The following KIFC3 variants were observed in gnomAD, a reference collection of about 807,000 sequenced individuals.
KIFC3 encodes kinesin-like protein KIFC3.
A neutral mutation model predicts 101.8 loss-of-function variants in KIFC3; 60 were observed. The observed-to-expected ratio is 0.59, with a 90% CI of 0.48 to 0.73. The LOEUF (loss-of-function observed/expected upper bound fraction) is 0.73, where lower values mean the gene tolerates loss of function less well. KIFC3 is among the 30% of genes least tolerant of loss of function. The pLI is 0.00. For synonymous variants in KIFC3, 476 were observed against 482.7 expected (o/e 0.99, Z 0.18); for missense variants, 966 against 1,137.1 (o/e 0.85, Z 2.16).
chr16:57,850,976 TCCTTCCTTC>T (rs2056043903), intron 1 of KIFC3, among the ~76,000 whole-genome samples: 2 of 27,780 alleles, frequency 7.2e-5, no homozygotes, highest in Non-Finnish European at 1.4e-4. Flanking sequence ...CTTCCTTCCT[TCCTTCCTTC>T]CTTCCTTCCT....
chr16:57,793,604 AC>A (rs2054065910), intron 3 of KIFC3, among the ~76,000 whole-genome samples: 1 of 131,368 alleles, frequency 7.6e-6, no homozygotes, highest in Admixed American at 7.0e-5. Context: ...AAAAAAAAAA[AC>A]AAAAAAAGAG....
chr16:57,827,667 C>T (rs1455687841), intron 1 of KIFC3, among the ~76,000 whole-genome samples: 3 of 152,158 alleles, frequency 2.0e-5, no homozygotes, highest in African/African-American at 7.2e-5. Context: ...TAAGCAACCA[C>T]GAGGCCATGG....
Position 57,758,313 on chromosome 16 carries a change from CAGCGAGCCAGGCAGGTG to C in KIFC3, c.*604_*620del, listed in dbSNP as rs1325550591. 1 of 246,256 alleles carries C rather than the reference CAGCGAGCCAGGCAGGTG, an allele frequency of 4.1e-6. No homozygotes were observed. Among genetic ancestry groups the C allele is most frequent in the African/African-American group, 2.3e-5 (1 of 43,068 alleles). 15.3% of individuals were successfully genotyped at this position (246,256 alleles called of 1,614,324 possible). ...TCAGAGGGAAGAAAATTCGAGAGAC[CAGCGAGCCAGGCAGGTG>C]AGCGAGCAGCAGAATCCCCCACCCG... On this transcript the variant is annotated 3_prime_UTR_variant, in exon 20 of 20. Coordinates refer to ENST00000445690, the MANE Select transcript of KIFC3 (RefSeq NM_001130100.2).
intron 1 of KIFC3, among the ~76,000 whole-genome samples, chr16:57,845,553 G>A (rs140414777): frequency 8.7e-4 from 133 of 152,236 alleles, no homozygotes; most frequent in African/African-American, 2.8e-3. Flanking sequence ...GGGCCTTTGC[G>A]TGGGTTCTTC....
intron 1 of KIFC3, among the ~76,000 whole-genome samples, chr16:57,799,843 A>G (rs2054607244): frequency 6.6e-6 from 1 of 152,192 alleles, no homozygotes; most frequent in Non-Finnish European, 1.5e-5. Context: ...GAGGTTGGTC[A>G]GTGCCCAGTG....
At chr16:57,767,965 TG>T (rs1461152601) in intron 9 of KIFC3, among the ~76,000 whole-genome samples, 1 of 152,122 alleles carries the variant, frequency 6.6e-6, no homozygotes, top group African/African-American at 2.4e-5. Flanking sequence ...TGTGAGCCAC[TG>T]TGCCCAGCCC....
At chr16:57,829,637 A>G (rs760610668) in intron 1 of KIFC3, among the ~76,000 whole-genome samples, 2 of 152,220 alleles carry the variant, frequency 1.3e-5, no homozygotes, top group Middle Eastern at 3.2e-3. Flanking sequence ...GAAAGTCACC[A>G]TGCAGCCCTG....
rs374001495 is a variant in KIFC3, at chr16:57,832,151, G to GC, written c.108+30577dup. Among the ~76,000 whole-genome samples, 284 of 151,876 alleles carry GC rather than the reference G, an allele frequency of 1.9e-3. 1 individual carries two copies. Among genetic ancestry groups the GC allele is most frequent in the African/African-American group, 6.8e-3 (280 of 41,430 alleles). On this transcript the variant is annotated intron_variant, in intron 1 of 2. Transcript: ENST00000563028. Reference sequence around the variant, plus strand: ...TTCTCTTGCCTCAGCCTCCCAAGTAGCTGGGACTACAGGAATGCACCACCA... The same window carrying GC: ...TTCTCTTGCCTCAGCCTCCCAAGTAGCCTGGGACTACAGGAATGCACCACCA...
At chr16:57,844,351 A>C (rs1407420992) in intron 1 of KIFC3, among the ~76,000 whole-genome samples, 5 of 145,862 alleles carry the variant, frequency 3.4e-5, no homozygotes, top group African/African-American at 1.3e-4. Context: ...AATTGCTTGA[A>C]CCCGGGAGGC....
chr16:57,829,139 G>A (rs909177027), intron 1 of KIFC3, among the ~76,000 whole-genome samples: 2 of 152,100 alleles, frequency 1.3e-5, no homozygotes. Context: ...TGAACTTTTA[G>A]GGCAAAGATA....
intron 2 of KIFC3, among the ~76,000 whole-genome samples, chr16:57,795,641 T>C (rs2054228987): frequency 6.6e-6 from 1 of 152,146 alleles, no homozygotes; most frequent in Non-Finnish European, 1.5e-5. Context: ...CTAACGTGCA[T>C]CCCCTTGTGC....
chr16:57,818,239 G>A (rs112829312), intron 1 of KIFC3, among the ~76,000 whole-genome samples: 1 of 151,778 alleles, frequency 6.6e-6, no homozygotes, highest in African/African-American at 2.4e-5. Flanking sequence ...GAGCCACCAT[G>A]CCTGGTCTAT....
rs966805779 is a variant in KIFC3 at position 57,810,640 on chromosome 16, C to T, written c.109-12358G>A. 2.4e-5 allele frequency: 24 copies of T among 985,304 alleles called. No individual in the cohort carries two copies. The South Asian group carries it at 5.2e-4, about 21-fold the overall frequency. The allele number at this position is 985,304 out of a possible 1,614,324, so 61.0% of individuals were successfully genotyped here. A position where few individuals can be genotyped will look rare whatever the true frequency, so the allele number is the denominator to read the frequency against. On this transcript the variant is annotated intron_variant, in intron 1 of 2. Coordinates refer to the KIFC3 transcript ENST00000563028. ...ATCCACCCCAGACAACCAGAATGTG[C>T]AGGGCCCTGAATGCCAGGACGGGAA...
In KIFC3 at chr16:57,802,333, C is replaced by G; in HGVS notation, c.-40+37G>C. The G allele has an allele frequency of 1.0e-6, 1 of 959,466 alleles. No homozygotes were observed. Among genetic ancestry groups the G allele is most frequent in the Non-Finnish European group, 1.2e-6 (1 of 807,012 alleles). The allele number at this position is 959,466 out of a possible 1,614,324, so 59.4% of individuals were successfully genotyped here. On this transcript the variant is annotated intron_variant, in intron 1 of 19. Coordinates refer to ENST00000445690, the MANE Select transcript of KIFC3 (RefSeq NM_001130100.2). The surrounding 1 kb of genome is among the most constrained non-coding windows in gnomAD (Gnocchi z 5.0). ...CGGCGGGCCGGGCAGAGCCCAGCGC[C>G]CCGCTCGCACCCAGCCCGCCCGGGC...
intron 1 of KIFC3, among the ~76,000 whole-genome samples, chr16:57,823,039 A>G (rs781808666): frequency 6.6e-6 from 1 of 152,320 alleles, no homozygotes; most frequent in Non-Finnish European, 1.5e-5. Context: ...TTAGACTATG[A>G]TGGAAGAGGG....
At chr16:57,785,452 CT>C in intron 3 of KIFC3, 1 of 1,280,982 alleles carries the variant, frequency 7.8e-7, no homozygotes. Flanking sequence ...CCATCCCAGC[CT>C]CCCCAGGTAC....
chr16:57,852,294 G>C (rs1006043650), intron 1 of KIFC3, among the ~76,000 whole-genome samples: 1 of 152,004 alleles, frequency 6.6e-6, no homozygotes, highest in Non-Finnish European at 1.5e-5. Context: ...TCATTGGAGG[G>C]TCCTCATTGT....
At chr16:57,761,645 C>T in intron 13 of KIFC3, 109 bp from the exon 14 acceptor site, 3 of 1,287,048 alleles carry the variant, frequency 2.3e-6, no homozygotes, top group Non-Finnish European at 2.2e-6. Flanking sequence ...AAGCCTTCTC[C>T]AGCCATCAGC....
intron 3 of KIFC3, chr16:57,785,566 C>T: frequency 7.8e-7 from 1 of 1,288,374 alleles, no homozygotes; most frequent in Non-Finnish European, 1.0e-6. Flanking sequence ...TCTTCTCGTC[C>T]TGGAGCTGGG....
Sources: allele counts gnomAD v4.1 joint callset (sites outside exome capture counted in the v4.1 genomes callset), GRCh38; gene constraint gnomAD v4.1.1; non-coding constraint Gnocchi (gnomAD v3.1); transcripts MANE v1.5; gene names NCBI Gene and HGNC (gene_info 2026-07-23, HGNC 2026-07-21).